The following WWTR1 variants were observed in gnomAD, a reference collection of about 807,000 sequenced individuals.
WWTR1 encodes WW domain-containing transcription regulator protein 1.
Under a neutral mutation model 40.1 loss-of-function variants are expected in WWTR1, and 13 were observed. The ratio of observed to expected loss-of-function variants is 0.32; its 90% confidence interval spans 0.21 to 0.52. WWTR1 has a LOEUF of 0.52. Ranked by LOEUF, WWTR1 falls within the 20% of genes least tolerant of loss-of-function variation. The probability of loss-of-function intolerance (pLI) is 0.97; values close to 1 mark genes in which losing one functional copy is unlikely to be tolerated. For synonymous variants in WWTR1, 230 were observed against 210.1 expected (o/e 1.09, Z -0.82); for missense variants, 436 against 523.1 (o/e 0.83, Z 1.63).
At chr3:149,706,143 CTGAGA>C (rs1388666417), upstream of WWTR1, among the ~76,000 whole-genome samples, 1 of 151,978 alleles carries the variant, frequency 6.6e-6, no homozygotes, top group Admixed American at 6.6e-5. Flanking sequence ...CTGCAGTGAG[CTGAGA>C]TCACACAATA....
intron 1 of WWTR1, among the ~76,000 whole-genome samples, chr3:149,674,585 T>TA (rs892481786): frequency 0.028 from 3,909 of 141,966 alleles, 61 homozygotes; most frequent in Non-Finnish European, 0.04. Flanking sequence ...AGATTCCATC[T>TA]AAAAAAAAAA....
intron 2 of WWTR1, among the ~76,000 whole-genome samples, chr3:149,592,202 T>C (rs1233260840): frequency 1.3e-5 from 2 of 152,234 alleles, no homozygotes; most frequent in African/African-American, 2.4e-5. Context: ...ACAATACATA[T>C]GCATATAAAA....
chr3:149,679,904 C>T (rs770739179), intron 1 of WWTR1, among the ~76,000 whole-genome samples: 3 of 152,184 alleles, frequency 2.0e-5, no homozygotes, highest in East Asian at 1.9e-4. Context: ...AAGCCGATGG[C>T]GTCCTAGAGA....
chr3:149,616,025 C>A (rs1576598944), intron 2 of WWTR1, among the ~76,000 whole-genome samples: 2 of 152,170 alleles, frequency 1.3e-5, no homozygotes, highest in African/African-American at 4.8e-5. Flanking sequence ...GAGGAAACGT[C>A]CCTGAGTCAA....
At chr3:149,604,873 G>A (rs898258451) in intron 2 of WWTR1, among the ~76,000 whole-genome samples, 12 of 152,210 alleles carry the variant, frequency 7.9e-5, no homozygotes, top group East Asian at 7.7e-4. Flanking sequence ...GAAGCCATAC[G>A]TTCTGCATTC....
At chr3:149,575,414 G>A (rs1292790951) in intron 2 of WWTR1, among the ~76,000 whole-genome samples, 1 of 152,134 alleles carries the variant, frequency 6.6e-6, no homozygotes, top group Non-Finnish European at 1.5e-5. Context: ...AAAGCAGCAT[G>A]TTTTCCAAGG....
chr3:149,707,091 T>C (rs941575332), upstream of WWTR1, among the ~76,000 whole-genome samples: 2 of 152,194 alleles, frequency 1.3e-5, no homozygotes, highest in African/African-American at 4.8e-5. Context: ...GCATCCAAGA[T>C]GTGCTGGCCA....
At chr3:149,694,307 T>C (rs1220401711) in intron 1 of WWTR1, among the ~76,000 whole-genome samples, 1 of 152,046 alleles carries the variant, frequency 6.6e-6, no homozygotes, top group Non-Finnish European at 1.5e-5. Flanking sequence ...GGAAGGAGAA[T>C]TGCTTGAACC....
In WWTR1 at chr3:149,627,340, G is replaced by A. The variant is rs1740610469; in HGVS notation, c.431+29536C>T. Among the ~76,000 whole-genome samples, 5 of 152,262 alleles carry A rather than the reference G, an allele frequency of 3.3e-5. No homozygotes were observed. In the South Asian group the frequency reaches 1.0e-3, roughly 32 times the overall value. On this transcript the variant is annotated intron_variant, in intron 2 of 6. Coordinates refer to ENST00000360632, the MANE Select transcript of WWTR1 (RefSeq NM_015472.6). ...TCCACCCCATTTTCAGCCATGTAGG[G>A]TGTCATGTGGGGTAATCAACCCTGA...
intron 2 of WWTR1, among the ~76,000 whole-genome samples, chr3:149,624,235 G>T (rs1316444220): frequency 6.6e-6 from 1 of 152,192 alleles, no homozygotes; most frequent in Non-Finnish European, 1.5e-5. Flanking sequence ...AAGCCCTCTT[G>T]TCCCTTTAGA....
At chr3:149,541,953 C>A (rs945067219) in intron 4 of WWTR1, among the ~76,000 whole-genome samples, 10 of 152,130 alleles carry the variant, frequency 6.6e-5, no homozygotes, top group Non-Finnish European at 1.3e-4. Flanking sequence ...CCCAGGTGAG[C>A]CCCTTCTAAA....
Position 149,518,599 on chromosome 3 carries a change from G to A in WWTR1, c.*2206C>T, listed in dbSNP as rs1734900652. 6.6e-6 allele frequency: 1 copy of A among 152,032 alleles called. No homozygotes were observed. The highest frequency in any genetic ancestry group is 2.4e-5 in the African/African-American group (1 of 41,384). The allele number at this position is 152,032 out of a possible 1,614,324, so 9.4% of individuals were successfully genotyped here. A position where few individuals can be genotyped will look rare whatever the true frequency, so the allele number is the denominator to read the frequency against. On this transcript the variant is annotated 3_prime_UTR_variant, in exon 7 of 7. Transcript: ENST00000360632. ...CTCTCTCAGAGGGCTTAGGGAGAGTGAAAGGAATTAGAGGAACATAAACCA... is the reference window on the plus strand; with the variant it reads ...CTCTCTCAGAGGGCTTAGGGAGAGTAAAAGGAATTAGAGGAACATAAACCA...
intron 4 of WWTR1, among the ~76,000 whole-genome samples, chr3:149,718,218 AT>A (rs139105707): frequency 6.6e-6 from 1 of 152,226 alleles, no homozygotes; most frequent in East Asian, 1.9e-4. Context: ...TTTCCCCATA[AT>A]CACCACATCA....
intron 5 of WWTR1, among the ~76,000 whole-genome samples, chr3:149,716,343 C>T (rs1715607302): frequency 1.3e-5 from 2 of 152,018 alleles, no homozygotes; most frequent in Non-Finnish European, 1.5e-5. Context: ...GATCACACCA[C>T]TGCACTACAG....
At chr3:149,639,734 C>CT (rs767280298) in intron 2 of WWTR1, among the ~76,000 whole-genome samples, 5 of 152,104 alleles carry the variant, frequency 3.3e-5, no homozygotes, top group Non-Finnish European at 7.4e-5. Context: ...TGGCTCACGC[C>CT]TGTAATCCCA....
At chr3:149,631,493 C>A (rs528578361) in intron 2 of WWTR1, among the ~76,000 whole-genome samples, 2 of 152,168 alleles carry the variant, frequency 1.3e-5, no homozygotes, top group Non-Finnish European at 2.9e-5. Flanking sequence ...TCAGTCTTCA[C>A]GTACAAACCC....
intron 2 of WWTR1, among the ~76,000 whole-genome samples, chr3:149,609,095 A>G (rs969143106): frequency 1.3e-5 from 2 of 151,946 alleles, no homozygotes; most frequent in African/African-American, 4.8e-5. Context: ...ATTAATTAAA[A>G]TAAAATGTTA....
chr3:149,684,561 CT>C (rs58155361), intron 1 of WWTR1, among the ~76,000 whole-genome samples: 43,441 of 146,356 alleles, frequency 0.3, 6,358 homozygotes, highest in Admixed American at 0.37. Flanking sequence ...TCTCATTATT[CT>C]TTTTTTTTTT....
chr3:149,605,884 G>A (rs1054691246), intron 2 of WWTR1, among the ~76,000 whole-genome samples: 1 of 152,092 alleles, frequency 6.6e-6, no homozygotes, highest in Non-Finnish European at 1.5e-5. Context: ...AGACAAACAG[G>A]TACTGTCACA....
Sources: gnomAD v4.1 joint callset for allele counts (sites outside exome capture counted in the v4.1 genomes callset) on GRCh38, gnomAD v4.1.1 for gene constraint, MANE v1.5 for transcripts, NCBI Gene and HGNC (gene_info 2026-07-23, HGNC 2026-07-21) for gene names.